SEC11A: variants seen among roughly 807,000 people sequenced by gnomAD.
The protein encoded by SEC11A is signal peptidase complex catalytic subunit SEC11A.
SEC11A carries 14 observed loss-of-function variants against 25.6 expected under a neutral mutation model. The ratio of observed to expected loss-of-function variants is 0.55; its 90% CI spans 0.36 to 0.85. The LOEUF (loss-of-function observed/expected upper bound fraction) is 0.85. SEC11A is among the 40% of genes least tolerant of loss of function. The pLI, the probability that SEC11A is intolerant of heterozygous loss-of-function variation, is 0.01. For missense variants in SEC11A, 153 were observed against 222.9 expected (o/e 0.69, Z 2.00); for synonymous variants, 83 against 76.4 (o/e 1.09, Z -0.45).
intron 1 of SEC11A, among the ~76,000 whole-genome samples, chr15:84,707,337 C>T (rs1260922336): frequency 6.6e-6 from 1 of 151,964 alleles, no homozygotes; most frequent in East Asian, 1.9e-4. Context: ...AGGCATGCGC[C>T]ACCAGGCTCA....
At chr15:84,713,280 G>GA (rs148137377) in intron 1 of SEC11A, among the ~76,000 whole-genome samples, 215 of 140,344 alleles carry the variant, frequency 1.5e-3, no homozygotes, top group African/African-American at 2.9e-3. Flanking sequence ...GATCTGATAA[G>GA]AAAAAAAAAA....
At position 84,687,916 on chromosome 15, in the gene SEC11A, T is replaced by C. The variant is rs765510753; in HGVS notation, c.162-142A>G. Reference sequence around the variant, plus strand: ...ACAACTATATCAACAGAAATGTGTATTGTTCTCAAAATATGGTTTCCTCAG... The same window carrying C: ...ACAACTATATCAACAGAAATGTGTACTGTTCTCAAAATATGGTTTCCTCAG... On this transcript the variant is annotated intron_variant, in intron 2 of 5. Transcript: ENST00000268220. The C allele has an allele frequency of 1.3e-5, 9 of 719,460 alleles. No individual in the cohort carries two copies. The African/African-American group carries it at 1.5e-4, about 12-fold the overall frequency. 44.6% of individuals were successfully genotyped at this position (719,460 alleles called of 1,614,324 possible). A position where few individuals can be genotyped will look rare whatever the true frequency, so the allele number is the denominator to read the frequency against.
intron 4 of SEC11A, among the ~76,000 whole-genome samples, chr15:84,677,458 TTTTTTCTTTTC>T (rs1897165188): frequency 6.6e-6 from 1 of 151,552 alleles, no homozygotes; most frequent in African/African-American, 2.4e-5. Flanking sequence ...TAGTGTGGAA[TTTTTTCTTTTC>T]TTTTTCTTTT....
intron 1 of SEC11A, among the ~76,000 whole-genome samples, chr15:84,715,316 A>T (rs1490035690): frequency 6.6e-6 from 1 of 152,210 alleles, no homozygotes; most frequent in Non-Finnish European, 1.5e-5. Context: ...AATTACAACA[A>T]TATTCTCAGT....
intron 1 of SEC11A, among the ~76,000 whole-genome samples, chr15:84,696,013 A>G (rs1455501426): frequency 6.6e-6 from 1 of 152,228 alleles, no homozygotes; most frequent in Non-Finnish European, 1.5e-5. Context: ...CTAGCATTCC[A>G]ATGAAGCACG....
chr15:84,704,395 A>G (rs1898036074), intron 1 of SEC11A, among the ~76,000 whole-genome samples: 1 of 152,148 alleles, frequency 6.6e-6, no homozygotes. Flanking sequence ...AAATAATAGA[A>G]TAGTAGGCCA....
rs867529850 is a variant in SEC11A at position 84,673,196 on chromosome 15, G to C, written c.432-2414C>G. 1.7e-5 allele frequency: 3 copies of C among 180,268 alleles called. No individual in the cohort carries two copies. The South Asian group carries it at 3.1e-4, about 18-fold the overall frequency. 11.2% of individuals were successfully genotyped at this position (180,268 alleles called of 1,614,324 possible). A position where few individuals can be genotyped will look rare whatever the true frequency, so the allele number is the denominator to read the frequency against. On this transcript the variant is annotated intron_variant, in intron 4 of 5. Coordinates refer to ENST00000268220, the MANE Select transcript of SEC11A (RefSeq NM_014300.4). The stretch of plus-strand genomic sequence containing the variant: ...AGGTGAGGGGCGCCTCTGCCCGGCC[G>C]CCCCTACTGGGAAGTGAGGAGCCCC...
intron 5 of SEC11A, 175 bp from the exon 6 acceptor site, chr15:84,670,244 C>A (rs1896947001): frequency 2.3e-4 from 101 of 435,878 alleles, no homozygotes; most frequent in Non-Finnish European, 3.6e-4. Context: ...TATCACATTT[C>A]TTTAAATAAT....
At chr15:84,679,108 C>T (rs1897218164) in intron 4 of SEC11A, 2 of 294,852 alleles carry the variant, frequency 6.8e-6, no homozygotes, top group East Asian at 8.4e-5. Context: ...AAAAAGGAGA[C>T]AAGAAGTGAC....
chr15:84,679,165 G>T, intron 4 of SEC11A: 1 of 601,384 alleles, frequency 1.7e-6, no homozygotes, highest in Non-Finnish European at 2.6e-6. Context: ...ACATGAATCT[G>T]TACATTTATA....
intron 2 of SEC11A, among the ~76,000 whole-genome samples, chr15:84,689,374 C>T (rs1897530865): frequency 2.0e-5 from 3 of 152,076 alleles, no homozygotes; most frequent in African/African-American, 4.8e-5. Context: ...AAGTTGTATA[C>T]ATTAAATATG....
intron 2 of SEC11A, among the ~76,000 whole-genome samples, chr15:84,690,131 C>G (rs1312526653): frequency 6.6e-6 from 1 of 152,128 alleles, no homozygotes; most frequent in Non-Finnish European, 1.5e-5. Flanking sequence ...CCACCCAAAT[C>G]TCATCTTGAA....
At chr15:84,699,965 AC>A (rs1897881522) in intron 1 of SEC11A, among the ~76,000 whole-genome samples, 1 of 151,864 alleles carries the variant, frequency 6.6e-6, no homozygotes, top group African/African-American at 2.4e-5. Context: ...GGAAATCTTC[AC>A]GGGGCTTTGG....
At chr15:84,680,912 C>CA in intron 3 of SEC11A, 80 bp from the exon 4 acceptor site, 2 of 1,310,860 alleles carry the variant, frequency 1.5e-6, no homozygotes, top group Non-Finnish European at 2.1e-6. Context: ...GTTAACCAAA[C>CA]ATGTTTGTGG....
chr15:84,692,695 G>A (rs1293452826), intron 1 of SEC11A, among the ~76,000 whole-genome samples: 1 of 152,176 alleles, frequency 6.6e-6, no homozygotes, highest in African/African-American at 2.4e-5. Flanking sequence ...GTATAGAGAG[G>A]ATGACTAGAC....
Position 84,669,812 on chromosome 15 carries a change from A to C in SEC11A, c.*207T>G, listed in dbSNP as rs1351006377. On this transcript the variant is annotated 3_prime_UTR_variant, in exon 6 of 6. Coordinates refer to ENST00000268220, the MANE Select transcript of SEC11A (RefSeq NM_014300.4). Reference sequence around the variant, plus strand: ...ACAATGACAATTATGAAATCCTGTGACTGAAAGTCCCCTCGAGTGCACTCT... The same window carrying C: ...ACAATGACAATTATGAAATCCTGTGCCTGAAAGTCCCCTCGAGTGCACTCT... 1 of 650,952 alleles carries C rather than the reference A, an allele frequency of 1.5e-6. No individual in the cohort carries two copies. The highest frequency in any genetic ancestry group is 2.4e-6 in the Non-Finnish European group (1 of 419,446). 40.3% of individuals were successfully genotyped at this position (650,952 alleles called of 1,614,324 possible). A position where few individuals can be genotyped will look rare whatever the true frequency, so the allele number is the denominator to read the frequency against.
At chr15:84,701,345 GTT>G (rs1443266788) in intron 1 of SEC11A, among the ~76,000 whole-genome samples, 1 of 151,596 alleles carries the variant, frequency 6.6e-6, no homozygotes, top group Non-Finnish European at 1.5e-5. Flanking sequence ...TTGAGATGGA[GTT>G]TTGCTCTTGT....
At chr15:84,679,558 T>C (rs1238548173) in intron 4 of SEC11A, among the ~76,000 whole-genome samples, 1 of 152,192 alleles carries the variant, frequency 6.6e-6, no homozygotes. Flanking sequence ...ATACAGTCTG[T>C]TCTAGGTCAA....
intron 1 of SEC11A, among the ~76,000 whole-genome samples, chr15:84,695,114 A>C (rs1311222326): frequency 6.8e-6 from 1 of 147,440 alleles, no homozygotes; most frequent in African/African-American, 2.5e-5. Context: ...AAAAAAAAAA[A>C]AAAGAAGGTA....
Sources: allele counts gnomAD v4.1 joint callset (sites outside exome capture counted in the v4.1 genomes callset), GRCh38; gene constraint gnomAD v4.1.1; transcripts MANE v1.5; gene names NCBI Gene and HGNC (gene_info 2026-07-23, HGNC 2026-07-21).